EIF4G3: variants seen among roughly 807,000 people sequenced by gnomAD.
EIF4G3 encodes the protein eIF-4-gamma 3.
EIF4G3 carries 34 observed loss-of-function variants against 186.4 expected under a neutral mutation model. That is an observed-to-expected ratio of 0.18 (90% CI 0.14 to 0.24). EIF4G3 has a LOEUF of 0.24. Among genes scored for constraint, EIF4G3 ranks in the 10% least tolerant of loss-of-function variants. The pLI is 1.00. For synonymous variants in EIF4G3, 673 were observed against 679.5 expected, an observed-to-expected ratio of 0.99 and a Z score of 0.15; for missense variants, 1,536 against 1,948.5, an observed-to-expected ratio of 0.79 and a Z score of 3.99.
intron 12 of EIF4G3, 78 bp from the exon 13 acceptor site, chr1:20,950,189 G>T: frequency 9.4e-7 from 1 of 1,064,188 alleles, no homozygotes; most frequent in Non-Finnish European, 1.3e-6. Flanking sequence ...CAAGCAAGTA[G>T]GGAAGACAGT....
chr1:20,910,209 T>C (rs983880558), intron 14 of EIF4G3, among the ~76,000 whole-genome samples: 1 of 152,130 alleles, frequency 6.6e-6, no homozygotes. Context: ...AAAAGATGAA[T>C]AGGCAGTGAA....
intron 2 of EIF4G3, among the ~76,000 whole-genome samples, chr1:21,105,231 T>TAGGC (rs2096594273): frequency 6.6e-6 from 1 of 152,212 alleles, no homozygotes; most frequent in African/African-American, 2.4e-5. Flanking sequence ...AAGACCAGCC[T>TAGGC]GGCCAACGTG....
chr1:20,837,183 C>T (rs2066992647), intron 30 of EIF4G3, among the ~76,000 whole-genome samples: 1 of 152,010 alleles, frequency 6.6e-6, no homozygotes, highest in Non-Finnish European at 1.5e-5. Flanking sequence ...GCTACCTCAC[C>T]AGGGACCAGT....
At chr1:21,004,712 G>A (rs370740780) in intron 4 of EIF4G3, among the ~76,000 whole-genome samples, 2 of 151,946 alleles carry the variant, frequency 1.3e-5, no homozygotes, top group African/African-American at 4.8e-5. Flanking sequence ...ACCATTTAAC[G>A]TTTAGCTGGG....
chr1:20,952,179 G>A lies in EIF4G3; in HGVS notation c.715-2068C>T, dbSNP rs552843183. ...CTTTTTTTTTTTTTTTTTTTGAGAC[G>A]GAGTCTTGCTCTGTCACCAGGCAGG... On this transcript the variant is annotated intron_variant, in intron 12 of 36. Transcript: ENST00000602326. 3.5e-5 allele frequency among the ~76,000 whole-genome samples: 5 copies of A among 143,318 alleles called. No homozygotes were observed. In the East Asian group the frequency reaches 6.0e-4, roughly 17 times the overall value. The allele number at this position is 143,318 out of a possible 152,430, so 94.0% of individuals were successfully genotyped here.
intron 33 of EIF4G3, among the ~76,000 whole-genome samples, chr1:20,817,781 C>T (rs968620135): frequency 4.1e-5 from 6 of 146,712 alleles, no homozygotes; most frequent in Non-Finnish European, 8.9e-5. Context: ...CTCAAGCAAT[C>T]CTCCCACCTC....
chr1:21,077,881 CAAAA>C (rs369662502), intron 3 of EIF4G3, among the ~76,000 whole-genome samples: 1 of 60,092 alleles, frequency 1.7e-5, no homozygotes, highest in Admixed American at 1.9e-4. Flanking sequence ...AACTCCGTCT[CAAAA>C]AAAAAAAAAA....
intron 3 of EIF4G3, among the ~76,000 whole-genome samples, chr1:21,068,323 C>T (rs1346971793): frequency 2.1e-5 from 3 of 141,274 alleles, no homozygotes; most frequent in Admixed American, 7.6e-5. Flanking sequence ...GAGCCGAGAT[C>T]GTACCACTGC....
At chr1:21,029,540 C>A (rs2092541512) in intron 4 of EIF4G3, among the ~76,000 whole-genome samples, 1 of 151,866 alleles carries the variant, frequency 6.6e-6, no homozygotes, top group African/African-American at 2.4e-5. Context: ...GAGGCCAAGG[C>A]AGAAGGATCA....
chr1:20,860,646 G>A, intron 23 of EIF4G3, 129 bp from the exon 24 acceptor site: 5 of 1,014,840 alleles, frequency 4.9e-6, no homozygotes, highest in Non-Finnish European at 5.6e-6. Context: ...AGTTTCTCAT[G>A]TATCTTATAG....
At chr1:20,997,715 A>C in intron 6 of EIF4G3, 82 bp from the exon 7 acceptor site, 1 of 1,134,352 alleles carries the variant, frequency 8.8e-7, no homozygotes, top group Non-Finnish European at 1.2e-6. Flanking sequence ...AATTTCACAC[A>C]ATATGCCAAA....
At position 20,941,706 on chromosome 1, in the gene EIF4G3, TGAG is replaced by T. The variant is rs781110002; in HGVS notation, c.1445_1447del (p.Pro482del). The T allele has an allele frequency of 1.3e-5, 21 of 1,611,954 alleles. No individual in the cohort carries two copies. The African/African-American group carries it at 2.1e-4, about 16-fold the overall frequency. ...AGCAGCAGGAACAATGACTGGAGTG[TGAG>T]GAGGAGAAGCTGGAGGAGTTGGAGG... is the stretch of plus-strand genomic sequence containing the variant. On this transcript the variant is annotated inframe_deletion, in exon 14 of 37. Coordinates refer to ENST00000602326, the MANE Select transcript of EIF4G3 (RefSeq NM_001391906.1).
chr1:21,041,027 T>A (rs1218499246), intron 4 of EIF4G3, among the ~76,000 whole-genome samples: 1 of 152,200 alleles, frequency 6.6e-6, no homozygotes, highest in African/African-American at 2.4e-5. Flanking sequence ...AGAGTCTCTA[T>A]GAATTTGCCG....
chr1:21,157,008 T>C (rs2097673451), intron 2 of EIF4G3, among the ~76,000 whole-genome samples: 1 of 152,074 alleles, frequency 6.6e-6, no homozygotes, highest in Admixed American at 6.6e-5. Context: ...CAGTGAGCCA[T>C]GATCGTACCA....
rs369538166 is a variant in EIF4G3 at position 20,857,481 on chromosome 1, G to A, written c.3261C>T (p.Asp1087=). 2.9e-5 allele frequency: 47 copies of A among 1,613,944 alleles called. No homozygotes were observed. The highest frequency in any genetic ancestry group is 1.6e-4 in the Middle Eastern group (1 of 6,062). ...CTTGTACAGTGTTCCACCCACCTTCGTCCACTCTCTGGACACCTGCAGGGA... is the reference window on the plus strand; with the variant it reads ...CTTGTACAGTGTTCCACCCACCTTCATCCACTCTCTGGACACCTGCAGGGA... ...EKRRPGVQRV[D]EGGWNTVQGA... is the part of the protein sequence containing the mutation. The change falls in exon 25 of 37, where the codon GAC becomes GAT. Residue 1087 remains aspartate (D), a synonymous_variant. Transcript: ENST00000602326.
intron 2 of EIF4G3, among the ~76,000 whole-genome samples, chr1:21,148,499 G>A (rs1179455695): frequency 4.6e-5 from 7 of 151,956 alleles, no homozygotes; most frequent in Non-Finnish European, 8.8e-5. Flanking sequence ...TCAGGAGATC[G>A]AGACCATCCT....
chr1:20,969,401 T>A, intron 12 of EIF4G3, 73 bp downstream of exon 12: 1 of 1,549,724 alleles, frequency 6.5e-7, no homozygotes, highest in Non-Finnish European at 8.8e-7. Flanking sequence ...AGAAAGTGGC[T>A]ATAGAAGAAA....
chr1:20,896,435 C>CAAAAA (rs201025308), intron 16 of EIF4G3, among the ~76,000 whole-genome samples: 5 of 54,658 alleles, frequency 9.1e-5, no homozygotes, highest in South Asian at 6.8e-4. Flanking sequence ...GATTCTATCT[C>CAAAAA]AAAAAAAAAA....
chr1:20,927,521 T>C (rs1049760988), intron 14 of EIF4G3, among the ~76,000 whole-genome samples: 5 of 152,128 alleles, frequency 3.3e-5, no homozygotes, highest in African/African-American at 7.2e-5. Flanking sequence ...AGAGTTGTAA[T>C]AGCTGAGGTG....
Sources: gnomAD v4.1 joint callset for allele counts (sites outside exome capture counted in the v4.1 genomes callset) on GRCh38, gnomAD v4.1.1 for gene constraint, MANE v1.5 for transcripts, NCBI Gene and HGNC (gene_info 2026-07-23, HGNC 2026-07-21) for gene names.